Variants in MEIS1 observed in about 807,000 individuals in gnomAD.
MEIS1 encodes the protein homeobox protein Meis1.
MEIS1 carries 5 observed loss-of-function variants against 50.8 expected under a neutral mutation model. The observed-to-expected ratio is 0.10, with a 90% CI of 0.05 to 0.21. MEIS1 has a LOEUF of 0.21. Among genes scored for constraint, MEIS1 ranks in the 10% least tolerant of loss-of-function variants. The pLI is 1.00. For missense variants in MEIS1, 318 were observed against 517.3 expected, an observed-to-expected ratio of 0.61 and a Z score of 3.74; for synonymous variants, 176 against 179.3, an observed-to-expected ratio of 0.98 and a Z score of 0.15.
intron 8 of MEIS1, among the ~76,000 whole-genome samples, chr2:66,525,151 T>G (rs1360031901): frequency 1.3e-5 from 2 of 152,152 alleles, no homozygotes; most frequent in African/African-American, 4.8e-5. Flanking sequence ...TGGTGGAGGT[T>G]GCAGTGAGCC....
At chr2:66,512,331 T>C in intron 8 of MEIS1, 37 bp downstream of exon 8, 3 of 1,581,024 alleles carry the variant, frequency 1.9e-6, no homozygotes, top group Non-Finnish European at 1.7e-6. Flanking sequence ...AAACTAAATA[T>C]GGACAATGAA....
At chr2:66,533,787 C>G (rs1416829777) in intron 8 of MEIS1, among the ~76,000 whole-genome samples, 2 of 152,092 alleles carry the variant, frequency 1.3e-5, no homozygotes, top group African/African-American at 4.8e-5. Context: ...ATGTGGGGGT[C>G]CCTGTGTCAC....
intron 8 of MEIS1, among the ~76,000 whole-genome samples, chr2:66,537,309 A>T (rs544876084): frequency 6.6e-6 from 1 of 152,350 alleles, no homozygotes; most frequent in African/African-American, 2.4e-5. Flanking sequence ...CAGTCCAGCA[A>T]GCTCCAGTCT....
At chr2:66,446,272 C>T (rs1672143277) in intron 6 of MEIS1, among the ~76,000 whole-genome samples, 1 of 152,194 alleles carries the variant, frequency 6.6e-6, no homozygotes, top group Admixed American at 6.5e-5. Flanking sequence ...AGAGGCCTGG[C>T]CACCCAGTTG....
intron 7 of MEIS1, among the ~76,000 whole-genome samples, chr2:66,464,883 A>G (rs973714496): frequency 2.6e-5 from 4 of 152,212 alleles, no homozygotes; most frequent in Non-Finnish European, 5.9e-5. Context: ...TTAAACATCA[A>G]GCTAGTCTTC....
chr2:66,466,648 C>T (rs1171395107), intron 7 of MEIS1, among the ~76,000 whole-genome samples: 1 of 152,212 alleles, frequency 6.6e-6, no homozygotes, highest in Non-Finnish European at 1.5e-5. Flanking sequence ...GCTGTGCCAG[C>T]ATTTGGCCTG....
At chr2:66,521,283 G>C (rs1407897964) in intron 8 of MEIS1, among the ~76,000 whole-genome samples, 1 of 152,090 alleles carries the variant, frequency 6.6e-6, no homozygotes, top group East Asian at 1.9e-4. Flanking sequence ...GTCTGTGATA[G>C]TGCTTTGGGG....
rs76963732 is a variant in MEIS1, at chr2:66,571,522, C to T, written c.*314C>T. 3.2e-3 allele frequency: 4,987 copies of T among 1,565,460 alleles called. 149 individuals are homozygous for T. The African/African-American group carries it at 0.06, about 19-fold the overall frequency. On this transcript the variant is annotated 3_prime_UTR_variant, in exon 13 of 13. Transcript: ENST00000272369. ...AGTGGACAAGTCATGGACATTCATG[C>T]TCAGTAGCTTAAGGGAATATGCATT...
chr2:66,569,989 T>G (rs1448226894), intron 12 of MEIS1: 1 of 152,250 alleles, frequency 6.6e-6, no homozygotes, highest in Admixed American at 6.5e-5. Context: ...AAAACTGTTT[T>G]GAACACCAAG....
intron 7 of MEIS1, among the ~76,000 whole-genome samples, chr2:66,467,371 G>T (rs550359794): frequency 6.6e-6 from 1 of 152,030 alleles, no homozygotes; most frequent in East Asian, 1.9e-4. Flanking sequence ...CCGAGGTAGG[G>T]GGGGGTCACA....
chr2:66,546,178 C>T (rs10187780), intron 8 of MEIS1, among the ~76,000 whole-genome samples: 1,810 of 152,062 alleles, frequency 0.012, 34 homozygotes, highest in African/African-American at 0.039. Context: ...TGAATGTGAG[C>T]GTGATAAGGC....
At chr2:66,525,677 AAGAC>A (rs778514755) in intron 8 of MEIS1, among the ~76,000 whole-genome samples, 43 of 152,368 alleles carry the variant, frequency 2.8e-4, no homozygotes, top group Middle Eastern at 3.4e-3. Flanking sequence ...GCTCTGCAGA[AAGAC>A]AGACTGTTTC....
Position 66,441,331 on chromosome 2 carries a change from G to A in MEIS1, c.433-83G>A, listed in dbSNP as rs1671975662. 6 of 1,179,860 alleles carry A rather than the reference G, an allele frequency of 5.1e-6. No homozygotes were observed. The East Asian group carries it at 1.7e-4, about 34-fold the overall frequency. The allele number at this position is 1,179,860 out of a possible 1,614,324, so 73.1% of individuals were successfully genotyped here. A position where few individuals can be genotyped will look rare whatever the true frequency, so the allele number is the denominator to read the frequency against. On this transcript the variant is annotated intron_variant, in intron 4 of 12. Coordinates refer to ENST00000272369, the MANE Select transcript of MEIS1 (RefSeq NM_002398.3). Reference sequence around the variant, plus strand: ...ATAACTCTATTTACTGGTGGGAGGGGGTGGGCTGGAGATGGTAGAGCTGTG... The same window carrying A: ...ATAACTCTATTTACTGGTGGGAGGGAGTGGGCTGGAGATGGTAGAGCTGTG...
intron 6 of MEIS1, among the ~76,000 whole-genome samples, chr2:66,463,718 A>G (rs1672572520): frequency 6.6e-6 from 1 of 152,156 alleles, no homozygotes. Context: ...CCTATAAACC[A>G]CAGTGTTATA....
chr2:66,520,316 TA>T (rs5831812), intron 8 of MEIS1, among the ~76,000 whole-genome samples: 36,197 of 147,482 alleles, frequency 0.25, 5,067 homozygotes, highest in Non-Finnish European at 0.33. Flanking sequence ...CTACTAAAAA[TA>T]AAAAAAAAAA....
chr2:66,533,926 T>C (rs1026137274), intron 8 of MEIS1, among the ~76,000 whole-genome samples: 3 of 152,216 alleles, frequency 2.0e-5, no homozygotes, highest in Non-Finnish European at 2.9e-5. Flanking sequence ...AGAAGAATTA[T>C]CTAGTCATAT....
At chr2:66,504,521 C>A (rs1398178112) in intron 7 of MEIS1, among the ~76,000 whole-genome samples, 1 of 152,110 alleles carries the variant, frequency 6.6e-6, no homozygotes, top group Admixed American at 6.5e-5. Context: ...TAGTTAATAG[C>A]CACTGTGCCC....
chr2:66,563,122 G>A (rs1675259075), intron 9 of MEIS1, among the ~76,000 whole-genome samples: 1 of 152,130 alleles, frequency 6.6e-6, no homozygotes, highest in Non-Finnish European at 1.5e-5. Flanking sequence ...TAAGGGCTAT[G>A]TAATATTAGG....
intron 8 of MEIS1, among the ~76,000 whole-genome samples, chr2:66,527,820 C>A (rs534193537): frequency 7.9e-5 from 12 of 152,188 alleles, no homozygotes; most frequent in East Asian, 3.9e-4. Context: ...TAAATCATGG[C>A]AAAACTTTAG....
Sources: gnomAD v4.1 joint callset for allele counts (sites outside exome capture counted in the v4.1 genomes callset) on GRCh38, gnomAD v4.1.1 for gene constraint, MANE v1.5 for transcripts, NCBI Gene and HGNC (gene_info 2026-07-23, HGNC 2026-07-21) for gene names.